CSMD2: variants seen among roughly 807,000 people sequenced by gnomAD.
The protein encoded by CSMD2 is CUB and sushi domain-containing protein 2.
CSMD2 carries 130 observed loss-of-function variants against 398.5 expected under a neutral mutation model. The observed-to-expected ratio is 0.33, with a 90% CI of 0.28 to 0.38. The LOEUF (loss-of-function observed/expected upper bound fraction) is 0.38, where lower values mean the gene tolerates loss of function less well. CSMD2 is among the 10% of genes least tolerant of loss of function. The pLI is 1.00. For synonymous variants in CSMD2, 1,828 were observed against 1,908.5 expected, an observed-to-expected ratio of 0.96 and a Z score of 1.10; for missense variants, 3,829 against 4,764.9, an observed-to-expected ratio of 0.80 and a Z score of 5.78.
At chr1:33,517,673 C>G (rs1431743975) in intron 70 of CSMD2, among the ~76,000 whole-genome samples, 1 of 152,062 alleles carries the variant, frequency 6.6e-6, no homozygotes, top group African/African-American at 2.4e-5. Context: ...AAGGGGGAAC[C>G]CTTATTTAAA....
At chr1:34,114,987 G>C (rs1196503906) in intron 1 of CSMD2, among the ~76,000 whole-genome samples, 1 of 151,988 alleles carries the variant, frequency 6.6e-6, no homozygotes, top group Non-Finnish European at 1.5e-5. Context: ...TTCAATAACA[G>C]ACTTAAGCAG....
At chr1:34,072,044 C>A (rs890432216) in intron 2 of CSMD2, among the ~76,000 whole-genome samples, 1 of 152,190 alleles carries the variant, frequency 6.6e-6, no homozygotes, top group Admixed American at 6.5e-5. Context: ...CAAGCTGGGA[C>A]AGAACCCAGC....
intron 25 of CSMD2, among the ~76,000 whole-genome samples, chr1:33,665,031 T>C (rs907284389): frequency 6.6e-6 from 1 of 152,190 alleles, no homozygotes; most frequent in African/African-American, 2.4e-5. Flanking sequence ...GTGGAATCTC[T>C]CTGGCAGTTT....
At chr1:33,839,727 G>A (rs1660660597) in intron 6 of CSMD2, 2 of 152,318 alleles carry the variant, frequency 1.3e-5, no homozygotes, top group African/African-American at 4.8e-5. Flanking sequence ...TGTTACAGGA[G>A]TTACAATTGA....
At position 33,956,238 on chromosome 1, in the gene CSMD2, G is replaced by A. The variant is rs190854507; in HGVS notation, c.518-20284C>T. 1.3e-3 allele frequency among the ~76,000 whole-genome samples: 193 copies of A among 149,644 alleles called. 2 individuals are homozygous for A. Among genetic ancestry groups the A allele is most frequent in the Non-Finnish European group, 3.1e-4 (21 of 67,620 alleles). On this transcript the variant is annotated intron_variant, in intron 3 of 70. Coordinates refer to ENST00000373381, the MANE Select transcript of CSMD2 (RefSeq NM_001281956.2). ...AAAAAAAAAGAATATTCACATTGTTGTGTAACCATCACCACTATCCATCCA... is the reference window on the plus strand; with the variant it reads ...AAAAAAAAAGAATATTCACATTGTTATGTAACCATCACCACTATCCATCCA...
At chr1:33,817,991 T>C (rs1370865651) in intron 9 of CSMD2, among the ~76,000 whole-genome samples, 1 of 152,224 alleles carries the variant, frequency 6.6e-6, no homozygotes, top group Non-Finnish European at 1.5e-5. Context: ...CTTTTTCAGC[T>C]ACAAACTTCC....
At chr1:33,531,345 G>C (rs1028653175) in intron 64 of CSMD2, among the ~76,000 whole-genome samples, 3 of 152,204 alleles carry the variant, frequency 2.0e-5, no homozygotes, top group Non-Finnish European at 4.4e-5. Flanking sequence ...ATGGACAAGT[G>C]TGGGGAAGGA....
At position 33,905,816 on chromosome 1, in the gene CSMD2, T is replaced by C. The variant is rs377412211; in HGVS notation, c.920+12278A>G. On this transcript the variant is annotated intron_variant, in intron 5 of 70. Transcript: ENST00000373381. ...CTTTGACAGGAACCACGGCATCTTGTCTACAGAAGCATGAGGTGTGGCAGA... is the reference window on the plus strand; with the variant it reads ...CTTTGACAGGAACCACGGCATCTTGCCTACAGAAGCATGAGGTGTGGCAGA... 1.4e-4 allele frequency among the ~76,000 whole-genome samples: 22 copies of C among 152,314 alleles called. No homozygotes were observed. In the South Asian group the frequency reaches 4.2e-3, roughly 29 times the overall value.
intron 25 of CSMD2, among the ~76,000 whole-genome samples, chr1:33,671,591 C>G (rs1368767417): frequency 1.3e-5 from 2 of 152,246 alleles, no homozygotes; most frequent in South Asian, 4.2e-4. Context: ...CACACCCACG[C>G]CCCCACCAAC....
intron 65 of CSMD2, 147 bp downstream of exon 65, chr1:33,527,049 T>G (rs1326349440): frequency 2.7e-6 from 2 of 750,378 alleles, no homozygotes; most frequent in African/African-American, 3.5e-5. Context: ...GCTGGGGAGG[T>G]GGGTAGGGAA....
chr1:33,593,490 A>T (rs914995460), intron 44 of CSMD2, among the ~76,000 whole-genome samples: 5 of 152,236 alleles, frequency 3.3e-5, no homozygotes, highest in African/African-American at 7.2e-5. Context: ...ACATGGTGGC[A>T]GACAAGACAA....
At chr1:33,602,642 T>A in intron 42 of CSMD2, 96 bp from the exon 43 acceptor site, 1 of 1,113,882 alleles carries the variant, frequency 9.0e-7, no homozygotes, top group South Asian at 1.8e-5. Flanking sequence ...CCAGAACTAA[T>A]CATCCTGTCA....
At chr1:34,078,110 C>T (rs1656645894) in intron 2 of CSMD2, among the ~76,000 whole-genome samples, 1 of 151,914 alleles carries the variant, frequency 6.6e-6, no homozygotes, top group African/African-American at 2.4e-5. Context: ...GTAGCTGGGA[C>T]TACAGGTGGA....
At chr1:33,822,531 G>C (rs1658274653) in intron 7 of CSMD2, among the ~76,000 whole-genome samples, 1 of 152,160 alleles carries the variant, frequency 6.6e-6, no homozygotes, top group Non-Finnish European at 1.5e-5. Context: ...GTTCAAGCCA[G>C]TTACCCCTAC....
intron 1 of CSMD2, among the ~76,000 whole-genome samples, chr1:34,112,327 A>G (rs1314636035): frequency 6.6e-6 from 1 of 152,144 alleles, no homozygotes; most frequent in Non-Finnish European, 1.5e-5. Flanking sequence ...TCTGCCCTTA[A>G]TGGCCTTTGC....
chr1:33,797,832 C>T (rs746440653), intron 10 of CSMD2, among the ~76,000 whole-genome samples: 11 of 152,132 alleles, frequency 7.2e-5, no homozygotes, highest in Non-Finnish European at 1.3e-4. Context: ...GCAGAGGACA[C>T]GGCTCACCCA....
intron 5 of CSMD2, among the ~76,000 whole-genome samples, chr1:33,906,809 C>T (rs962053311): frequency 2.6e-5 from 4 of 151,944 alleles, no homozygotes; most frequent in African/African-American, 7.3e-5. Context: ...ATAGGTAGTA[C>T]CTGAAATCTT....
intron 1 of CSMD2, among the ~76,000 whole-genome samples, chr1:34,115,533 C>G (rs1180121659): frequency 6.6e-6 from 1 of 152,064 alleles, no homozygotes; most frequent in Non-Finnish European, 1.5e-5. Context: ...AAATAAAGAC[C>G]TTCCCAGGTA....
intron 54 of CSMD2, among the ~76,000 whole-genome samples, chr1:33,558,226 TC>T (rs200579099): frequency 0.037 from 5,611 of 152,260 alleles, 388 homozygotes; most frequent in African/African-American, 0.13. Context: ...AACACACGAG[TC>T]CCTTGAGGGC....
Sources: allele counts gnomAD v4.1 joint callset (sites outside exome capture counted in the v4.1 genomes callset), GRCh38; gene constraint gnomAD v4.1.1; transcripts MANE v1.5; gene names NCBI Gene and HGNC (gene_info 2026-07-23, HGNC 2026-07-21).